SYAP1: variants seen among roughly 807,000 people sequenced by gnomAD.
SYAP1 encodes the protein synapse associated protein 1, also known as synapse-associated protein 1.
Under a neutral mutation model 29.6 loss-of-function variants are expected in SYAP1, and 3 were observed. That is an observed-to-expected ratio of 0.10 (90% confidence interval 0.05 to 0.26). The LOEUF (loss-of-function observed/expected upper bound fraction) is 0.26, where lower values mean the gene tolerates loss of function less well. SYAP1 is among the 10% of genes least tolerant of loss of function. The pLI is 1.00. For synonymous variants in SYAP1, 102 were observed against 102.7 expected (o/e 0.99, Z 0.04); for missense variants, 217 against 264.1 (o/e 0.82, Z 1.24).
At chrX:16,751,984 T>TC (rs1926742786) in intron 5 of SYAP1, among the ~76,000 whole-genome samples, 1 of 94,129 alleles carries the variant, frequency 1.1e-5, no homozygotes, top group Non-Finnish European at 2.1e-5. Flanking sequence ...CCTTTTTTTT[T>TC]TTTTTTTTTT....
At chrX:16,733,887 C>T (rs1039663535) in intron 1 of SYAP1, among the ~76,000 whole-genome samples, 1 of 109,673 alleles carries the variant, frequency 9.1e-6, no homozygotes, top group Non-Finnish European at 1.9e-5. Flanking sequence ...AGACTGGTCT[C>T]GAACTCCTGA....
chrX:16,735,842 C>G (rs1926317646), intron 2 of SYAP1, among the ~76,000 whole-genome samples: 1 of 112,451 alleles, frequency 8.9e-6, no homozygotes, highest in Non-Finnish European at 1.9e-5. Flanking sequence ...CCAAGCTGGT[C>G]TCGAACTCCT....
chrX:16,726,187 G>A (rs956321701), intron 1 of SYAP1, among the ~76,000 whole-genome samples: 1 of 112,040 alleles, frequency 8.9e-6, no homozygotes, highest in Admixed American at 9.5e-5. Context: ...TAAGCTATAC[G>A]TCTACGTGTT....
chrX:16,742,308 C>T (rs949827078), intron 4 of SYAP1, among the ~76,000 whole-genome samples: 3 of 109,651 alleles, frequency 2.7e-5, no homozygotes, highest in Non-Finnish European at 5.7e-5. Context: ...CCCGCCACCA[C>T]GCCCTGCTAA....
chrX:16,727,216 G>A (rs1234121075), intron 1 of SYAP1, among the ~76,000 whole-genome samples: 8 of 106,462 alleles, frequency 7.5e-5, no homozygotes, highest in Non-Finnish European at 1.3e-4. Flanking sequence ...TTTGTATAAA[G>A]TGCAGCAAGA....
At chrX:16,759,333 C>G (rs1315653398) in intron 8 of SYAP1, among the ~76,000 whole-genome samples, 1 of 109,592 alleles carries the variant, frequency 9.1e-6, no homozygotes, top group Non-Finnish European at 1.9e-5. Flanking sequence ...CCATTGCACT[C>G]CAGCCTGGGC....
chrX:16,724,442 A>G (rs1206563674), intron 1 of SYAP1, among the ~76,000 whole-genome samples: 1 of 111,896 alleles, frequency 8.9e-6, no homozygotes, highest in African/African-American at 3.2e-5. Context: ...CCCTCCCGAA[A>G]TCTAAGTTCC....
intron 5 of SYAP1, among the ~76,000 whole-genome samples, chrX:16,753,982 A>G (rs937224373): frequency 9.1e-6 from 1 of 110,139 alleles, no homozygotes; most frequent in Non-Finnish European, 1.9e-5. Flanking sequence ...CACTTACCTC[A>G]CCCACTTGGG....
chrX:16,733,456 G>T (rs1926252573), intron 1 of SYAP1, among the ~76,000 whole-genome samples: 1 of 111,057 alleles, frequency 9.0e-6, no homozygotes, highest in South Asian at 3.8e-4. Flanking sequence ...CCATTCTTAT[G>T]GGACCTTCTC....
chrX:16,758,211 T>C (rs779552864), intron 8 of SYAP1, among the ~76,000 whole-genome samples: 4 of 110,448 alleles, frequency 3.6e-5, no homozygotes, highest in Non-Finnish European at 5.7e-5. Flanking sequence ...ACCAGGCTAA[T>C]TTTTTTAATT....
intron 5 of SYAP1, among the ~76,000 whole-genome samples, chrX:16,750,525 A>G (rs887186818): frequency 3.6e-5 from 4 of 111,184 alleles, no homozygotes; most frequent in African/African-American, 1.3e-4. Context: ...CCATAATTCC[A>G]CCGGTAAATG....
intron 3 of SYAP1, among the ~76,000 whole-genome samples, chrX:16,738,912 A>T (rs763095645): frequency 2.7e-5 from 3 of 111,949 alleles, no homozygotes; most frequent in African/African-American, 9.7e-5. Flanking sequence ...CGTTTTCCAG[A>T]TAAGGAAACT....
At chrX:16,734,533 A>G (rs1337924580) in intron 1 of SYAP1, among the ~76,000 whole-genome samples, 2 of 111,517 alleles carry the variant, frequency 1.8e-5, no homozygotes, top group Non-Finnish European at 3.8e-5. Context: ...AGGAGGAGAA[A>G]ATAAAGATGG....
intron 1 of SYAP1, among the ~76,000 whole-genome samples, chrX:16,731,749 G>C (rs1477711678): frequency 9.0e-6 from 1 of 111,660 alleles, no homozygotes; most frequent in Admixed American, 9.6e-5. Flanking sequence ...AGACTAGCCT[G>C]GCCAACATGG....
intron 5 of SYAP1, among the ~76,000 whole-genome samples, chrX:16,750,356 C>T (rs1336544644): frequency 2.7e-5 from 3 of 111,691 alleles, no homozygotes; most frequent in African/African-American, 9.8e-5. Context: ...TTCCAAGAGA[C>T]GTTACAACAG....
At chrX:16,729,576 C>T (rs937517144) in intron 1 of SYAP1, among the ~76,000 whole-genome samples, 1 of 108,414 alleles carries the variant, frequency 9.2e-6, no homozygotes, top group African/African-American at 3.4e-5. Context: ...ACCTCTGCCT[C>T]CTAGGTTCAA....
chrX:16,745,344 G>A (rs745623296), intron 5 of SYAP1, among the ~76,000 whole-genome samples: 63 of 111,728 alleles, frequency 5.6e-4, no homozygotes, highest in African/African-American at 5.5e-4. Context: ...CCCCACATGG[G>A]CAGAGCAGGG....
At chrX:16,722,085 G>A (rs902728324) in intron 1 of SYAP1, among the ~76,000 whole-genome samples, 1 of 108,284 alleles carries the variant, frequency 9.2e-6, no homozygotes, top group Admixed American at 9.7e-5. Context: ...TGAGAGACAA[G>A]AGAGATGATC....
intron 8 of SYAP1, among the ~76,000 whole-genome samples, chrX:16,759,475 G>C (rs1469647982): frequency 1.8e-5 from 2 of 111,929 alleles, no homozygotes; most frequent in Non-Finnish European, 3.8e-5. Flanking sequence ...TACACACACA[G>C]AGGTATATTG....
Sources: gnomAD v4.1 joint callset for allele counts (sites outside exome capture counted in the v4.1 genomes callset) on GRCh38, gnomAD v4.1.1 for gene constraint, MANE v1.5 for transcripts, NCBI Gene and HGNC (gene_info 2026-07-23, HGNC 2026-07-21) for gene names.